The following STX8 variants were observed in gnomAD, a reference collection of about 807,000 sequenced individuals.
STX8 encodes syntaxin-8.
STX8 carries 23 observed loss-of-function variants against 37.5 expected under a neutral mutation model. The observed-to-expected ratio is 0.61, with a 90% CI of 0.44 to 0.87. The LOEUF (loss-of-function observed/expected upper bound fraction) is 0.87. STX8 is among the 40% of genes least tolerant of loss of function. The probability of loss-of-function intolerance (pLI) is 0.00; values close to 1 mark genes in which losing one functional copy is unlikely to be tolerated. For missense variants in STX8, 313 were observed against 284.7 expected (o/e 1.10, Z -0.71); for synonymous variants, 115 against 99.1 (o/e 1.16, Z -0.95).
intron 3 of STX8, chr17:9,553,768 A>G (rs1906856307): frequency 6.6e-6 from 1 of 152,220 alleles, no homozygotes; most frequent in Non-Finnish European, 1.5e-5. Flanking sequence ...CAGTAACACA[A>G]CAATTCATAG....
At chr17:9,426,766 T>C (rs1913646666) in intron 6 of STX8, among the ~76,000 whole-genome samples, 1 of 151,940 alleles carries the variant, frequency 6.6e-6, no homozygotes, top group African/African-American at 2.4e-5. Context: ...TCTCAAAAAA[T>C]AAAGTAAAAT....
At chr17:9,479,589 T>C (rs773273888) in intron 6 of STX8, among the ~76,000 whole-genome samples, 1 of 148,466 alleles carries the variant, frequency 6.7e-6, no homozygotes, top group Non-Finnish European at 1.5e-5. Flanking sequence ...TATTCATGTA[T>C]TTTAAATTTA....
intron 4 of STX8, among the ~76,000 whole-genome samples, chr17:9,535,424 C>CCTTTTTTTTTTTTTT (rs1905992804): frequency 1.7e-4 from 9 of 51,564 alleles, no homozygotes; most frequent in African/African-American, 5.9e-4. Context: ...AGCCATCCTA[C>CCTTTTTTTTTTTTTT]TTTTTTTTTT....
At chr17:9,325,949 G>C (rs1909738078) in intron 7 of STX8, among the ~76,000 whole-genome samples, 1 of 152,140 alleles carries the variant, frequency 6.6e-6, no homozygotes, top group Non-Finnish European at 1.5e-5. Flanking sequence ...CAATTATCTA[G>C]GGACATAAAT....
chr17:9,472,389 C>G (rs1905909868), intron 6 of STX8, among the ~76,000 whole-genome samples: 1 of 152,186 alleles, frequency 6.6e-6, no homozygotes, highest in Non-Finnish European at 1.5e-5. Context: ...TGAGTATAAG[C>G]TGAATCCTTT....
At chr17:9,521,825 G>C (rs1234638287) in intron 4 of STX8, among the ~76,000 whole-genome samples, 1 of 152,020 alleles carries the variant, frequency 6.6e-6, no homozygotes, top group African/African-American at 2.4e-5. Context: ...ATCAGAACAA[G>C]GAAAATATCT....
At chr17:9,338,038 C>T (rs1305781245) in intron 7 of STX8, among the ~76,000 whole-genome samples, 2 of 147,958 alleles carry the variant, frequency 1.4e-5, no homozygotes, top group East Asian at 2.0e-4. Context: ...CTTTGGGGCA[C>T]CTCTGAAGGA....
At chr17:9,418,826 CAA>C (rs71135977) in intron 6 of STX8, among the ~76,000 whole-genome samples, 955 of 48,630 alleles carry the variant, frequency 0.02, 5 homozygotes, top group African/African-American at 0.063. Flanking sequence ...GACTCCGTCT[CAA>C]AAAAAAAAAA....
At chr17:9,566,761 T>C (rs1273967697) in intron 2 of STX8, among the ~76,000 whole-genome samples, 1 of 151,368 alleles carries the variant, frequency 6.6e-6, no homozygotes, top group South Asian at 2.1e-4. Context: ...CACTCCAGCC[T>C]GGGCAACAAG....
At chr17:9,460,685 A>C (rs1330394768) in intron 6 of STX8, among the ~76,000 whole-genome samples, 4 of 142,342 alleles carry the variant, frequency 2.8e-5, no homozygotes, top group Non-Finnish European at 4.4e-5. Flanking sequence ...AAAAAAAAAA[A>C]AAACAAAACA....
At chr17:9,522,504 A>T (rs11078806) in intron 4 of STX8, among the ~76,000 whole-genome samples, 139,749 of 146,682 alleles carry the variant, frequency 0.95, 66,959 homozygotes, top group East Asian at 1. Flanking sequence ...GAGACCATCC[A>T]GGCTAACACG....
intron 7 of STX8, among the ~76,000 whole-genome samples, chr17:9,308,479 C>A (rs930712690): frequency 1.3e-5 from 2 of 152,114 alleles, no homozygotes; most frequent in Non-Finnish European, 2.9e-5. Flanking sequence ...AATCTCAGCA[C>A]TTTGGGAGGC....
At chr17:9,279,387 A>C (rs1228940827) in intron 7 of STX8, among the ~76,000 whole-genome samples, 2 of 152,110 alleles carry the variant, frequency 1.3e-5, no homozygotes, top group African/African-American at 4.8e-5. Flanking sequence ...ACAGCTGGCC[A>C]TCATCATTAT....
intron 7 of STX8, among the ~76,000 whole-genome samples, chr17:9,318,028 C>T (rs1157037443): frequency 1.2e-4 from 18 of 152,212 alleles, no homozygotes; most frequent in Admixed American, 1.1e-3. Flanking sequence ...TATGAACTCG[C>T]TCTGAAGATA....
intron 4 of STX8, among the ~76,000 whole-genome samples, chr17:9,535,754 A>G (rs1906022753): frequency 1.3e-5 from 2 of 151,840 alleles, no homozygotes; most frequent in South Asian, 4.2e-4. Context: ...ACTTCTAAGA[A>G]CTCACCTAGA....
intron 7 of STX8, among the ~76,000 whole-genome samples, chr17:9,292,666 T>C (rs947761614): frequency 1.3e-5 from 2 of 152,234 alleles, no homozygotes; most frequent in African/African-American, 4.8e-5. Context: ...TACTTTGGCA[T>C]TGAACCCCTT....
chr17:9,448,119 G>A (rs1182434991), intron 6 of STX8, among the ~76,000 whole-genome samples: 1 of 150,018 alleles, frequency 6.7e-6, no homozygotes, highest in Non-Finnish European at 1.5e-5. Flanking sequence ...AGGTTGCAGT[G>A]AGCCGAGATT....
intron 7 of STX8, among the ~76,000 whole-genome samples, chr17:9,283,923 G>T (rs1168915474): frequency 6.6e-6 from 1 of 152,194 alleles, no homozygotes; most frequent in Non-Finnish European, 1.5e-5. Flanking sequence ...GGAAAAGGCT[G>T]TTTTACTGTG....
chr17:9,570,854 C>A (rs1367049920), intron 1 of STX8, among the ~76,000 whole-genome samples: 3 of 151,902 alleles, frequency 2.0e-5, no homozygotes, highest in Non-Finnish European at 2.9e-5. Context: ...TGGAGAGGGT[C>A]CATGAGGTTA....
Sources: gnomAD v4.1 joint callset for allele counts (sites outside exome capture counted in the v4.1 genomes callset) on GRCh38, gnomAD v4.1.1 for gene constraint, MANE v1.5 for transcripts, NCBI Gene and HGNC (gene_info 2026-07-23, HGNC 2026-07-21) for gene names.